CALN1: variants seen among roughly 807,000 people sequenced by gnomAD.
The protein encoded by CALN1 is calneuron 1, also known as calcium-binding protein 8.
CALN1 carries 17 observed loss-of-function variants against 30.6 expected under a neutral mutation model. The observed-to-expected ratio is 0.56, with a 90% CI of 0.38 to 0.83. The LOEUF is 0.83. Among genes scored for constraint, CALN1 ranks in the 40% least tolerant of loss-of-function variants. The pLI is 0.00. For synonymous variants in CALN1, 156 were observed against 131.4 expected (o/e 1.19, Z -1.28); for missense variants, 291 against 354.9 (o/e 0.82, Z 1.45).
intron 3 of CALN1, among the ~76,000 whole-genome samples, chr7:72,208,756 A>G (rs1562738540): frequency 6.6e-6 from 1 of 152,226 alleles, no homozygotes; most frequent in South Asian, 2.1e-4. Context: ...TCACAAATGT[A>G]ATGTTGAGCT....
chr7:72,169,516 T>G (rs1788787562), intron 3 of CALN1, among the ~76,000 whole-genome samples: 1 of 147,726 alleles, frequency 6.8e-6, no homozygotes, highest in Non-Finnish European at 1.5e-5. Flanking sequence ...AGATACAGAA[T>G]CTTTCTATGT....
Position 71,883,945 on chromosome 7 carries a change from C to T in CALN1, c.502-73453G>A, listed in dbSNP as rs138271192. Among the ~76,000 whole-genome samples, 1,115 of 152,242 alleles carry T rather than the reference C, an allele frequency of 7.3e-3. 13 individuals are homozygous for T. Among genetic ancestry groups the T allele is most frequent in the African/African-American group, 0.025 (1,048 of 41,522 alleles). On this transcript the variant is annotated intron_variant, in intron 5 of 6. Transcript: ENST00000395275. Reference sequence around the variant, plus strand: ...CCTTCCTTTCTTTCTTTGACAGAGTCTCTCTGTTGCCAGGTTGGAGTGAAG... The same window carrying T: ...CCTTCCTTTCTTTCTTTGACAGAGTTTCTCTGTTGCCAGGTTGGAGTGAAG...
At chr7:72,352,572 A>T (rs952001039) in intron 2 of CALN1, among the ~76,000 whole-genome samples, 12 of 152,172 alleles carry the variant, frequency 7.9e-5, no homozygotes, top group African/African-American at 2.2e-4. Flanking sequence ...ATCACAAAGG[A>T]AGTTTAAAAA....
At chr7:72,501,370 T>TAAAAAAAAAA in the CALN1 span, among the ~76,000 whole-genome samples, 23 of 42,810 alleles carry the variant, frequency 5.4e-4, no homozygotes, top group African/African-American at 6.0e-4. Context: ...ACGTCTCTAT[T>TAAAAAAAAAA]AAAAAAAAAA....
At chr7:72,406,493 T>C (rs915036839) in intron 1 of CALN1, among the ~76,000 whole-genome samples, 1 of 152,216 alleles carries the variant, frequency 6.6e-6, no homozygotes, top group African/African-American at 2.4e-5. Flanking sequence ...TAAAGTCCAT[T>C]TGCTAATTGC....
intron 5 of CALN1, among the ~76,000 whole-genome samples, chr7:71,815,920 C>T (rs1240622192): frequency 1.3e-5 from 2 of 151,208 alleles, no homozygotes; most frequent in Non-Finnish European, 2.9e-5. Context: ...CTTTGTCACC[C>T]AGGCTAGAGT....
At chr7:72,416,294 C>T (rs1166370543), upstream of CALN1, among the ~76,000 whole-genome samples, 1 of 152,222 alleles carries the variant, frequency 6.6e-6, no homozygotes. Context: ...AATATGACTG[C>T]AGCACTGCCC....
intron 2 of CALN1, among the ~76,000 whole-genome samples, chr7:72,377,200 T>C (rs557054382): frequency 2.6e-5 from 4 of 152,314 alleles, no homozygotes; most frequent in African/African-American, 9.6e-5. Context: ...TAAGATTAGC[T>C]TGTTTATTTT....
chr7:72,253,318 C>T (rs1795690628), intron 3 of CALN1, among the ~76,000 whole-genome samples: 1 of 152,180 alleles, frequency 6.6e-6, no homozygotes, highest in Non-Finnish European at 1.5e-5. Context: ...GGAACTGATG[C>T]CTTCATCCTT....
chr7:72,436,672 G>A (rs1808168431), intron 1 of CALN1, among the ~76,000 whole-genome samples: 1 of 152,050 alleles, frequency 6.6e-6, no homozygotes. Context: ...CCCCAGTCTA[G>A]CTGCTCTCAC....
At chr7:72,125,505 A>G (rs1356066415) in intron 3 of CALN1, among the ~76,000 whole-genome samples, 1 of 152,234 alleles carries the variant, frequency 6.6e-6, no homozygotes, top group Non-Finnish European at 1.5e-5. Flanking sequence ...TGGTGTATAG[A>G]AAAGTGATAA....
intron 3 of CALN1, among the ~76,000 whole-genome samples, chr7:72,164,300 A>C (rs1369199896): frequency 1.3e-5 from 2 of 150,818 alleles, no homozygotes. Context: ...CCTGGGAGCC[A>C]AGATCACGCC....
chr7:72,363,724 CTTTTTTTTT>C (rs66989275), intron 2 of CALN1, among the ~76,000 whole-genome samples: 4 of 111,862 alleles, frequency 3.6e-5, no homozygotes, highest in African/African-American at 1.4e-4. Flanking sequence ...TTAAAAAAAA[CTTTTTTTTT>C]TTTTTTTTTT....
chr7:72,227,647 T>A (rs1352209598), intron 3 of CALN1, among the ~76,000 whole-genome samples: 2 of 151,910 alleles, frequency 1.3e-5, no homozygotes, highest in Non-Finnish European at 2.9e-5. Flanking sequence ...CTATGCTCAC[T>A]ACCTGAGTGA....
At chr7:72,124,174 A>G (rs1005916333) in intron 3 of CALN1, among the ~76,000 whole-genome samples, 1 of 152,176 alleles carries the variant, frequency 6.6e-6, no homozygotes, top group African/African-American at 2.4e-5. Context: ...TGAGCGGCTC[A>G]TGTCCGTGTG....
At chr7:72,266,323 A>C (rs1476715736) in intron 3 of CALN1, among the ~76,000 whole-genome samples, 2 of 152,242 alleles carry the variant, frequency 1.3e-5, no homozygotes, top group Non-Finnish European at 2.9e-5. Flanking sequence ...AATGTGTCTG[A>C]AATAATACAA....
At chr7:72,189,369 G>GCGA (rs912089107) in intron 3 of CALN1, among the ~76,000 whole-genome samples, 43 of 152,088 alleles carry the variant, frequency 2.8e-4, no homozygotes, top group Non-Finnish European at 6.2e-4. Flanking sequence ...TGTTTCTCAA[G>GCGA]CAACAAAACA....
intron 6 of CALN1, among the ~76,000 whole-genome samples, chr7:71,790,198 GAAAC>G (rs1274233723): frequency 1.4e-5 from 2 of 145,576 alleles, no homozygotes; most frequent in Non-Finnish European, 3.0e-5. Context: ...GAGAAAGAGA[GAAAC>G]AAAGAAAGAA....
At chr7:71,896,360 C>T (rs1793531482) in intron 5 of CALN1, among the ~76,000 whole-genome samples, 1 of 152,088 alleles carries the variant, frequency 6.6e-6, no homozygotes, top group African/African-American at 2.4e-5. Context: ...CTCTAGAGAA[C>T]TTCTTTCTTT....
Sources: gnomAD v4.1 joint callset for allele counts (sites outside exome capture counted in the v4.1 genomes callset) on GRCh38, gnomAD v4.1.1 for gene constraint, MANE v1.5 for transcripts, NCBI Gene and HGNC (gene_info 2026-07-23, HGNC 2026-07-21) for gene names.